BUB1: variants seen among roughly 807,000 people sequenced by gnomAD.
The protein encoded by BUB1 is BUB1 mitotic checkpoint serine/threonine kinase.
In BUB1, 84 loss-of-function variants were observed where a neutral mutation model predicts 135.2. The observed-to-expected ratio is 0.62, with a 90% CI of 0.52 to 0.74. The LOEUF (loss-of-function observed/expected upper bound fraction) is 0.74, where lower values mean the gene tolerates loss of function less well. Ranked by LOEUF, BUB1 falls within the 30% of genes least tolerant of loss-of-function variation. The pLI, the probability that BUB1 is intolerant of heterozygous loss-of-function variation, is 0.00. For synonymous variants in BUB1, 403 were observed against 434.4 expected, an observed-to-expected ratio of 0.93 and a Z score of 0.90; for missense variants, 1,162 against 1,288.3, an observed-to-expected ratio of 0.90 and a Z score of 1.50.
chr2:110,672,804 C>T lies in BUB1; in HGVS notation c.279G>A (p.Gly93=), dbSNP rs56159448. ...ACAGAGGGGATGACAGGGTTCCAAT[C>T]CCATGGTTGTACAGAAACTCAAAAA... ...HQFFEFLYNH[G]IGTLSSPLYI... The change falls in exon 4 of 25, where the codon GGG becomes GGA. Residue 93 remains glycine (G), a synonymous_variant. Transcript: ENST00000302759. 5.0e-6 allele frequency: 8 copies of T among 1,613,162 alleles called. No individual in the cohort carries two copies. Among genetic ancestry groups the T allele is most frequent in the Non-Finnish European group, 5.9e-6 (7 of 1,179,754 alleles).
intron 24 of BUB1, 125 bp downstream of exon 24, chr2:110,639,617 C>A: frequency 1.3e-6 from 1 of 750,878 alleles, no homozygotes; most frequent in Non-Finnish European, 2.2e-6. Flanking sequence ...GTCCTGTCAC[C>A]ATATTGCCCA....
At position 110,653,515 on chromosome 2, in the gene BUB1, C is replaced by T; in HGVS notation, c.1885G>A (p.Val629Ile). The change falls in exon 17 of 25, where the codon GTA becomes ATA. Residue 629 changes from valine to isoleucine, a missense_variant. Coordinates refer to ENST00000302759, the MANE Select transcript of BUB1 (RefSeq NM_004336.5). The stretch of plus-strand genomic sequence containing the variant: ...GTCGCCTGGGTACACTGTTTTGCTA[C>T]CACATTTTCTGAAAGATTCAAAAAT... Reference protein sequence around the residue: ...VHILEDKENVVAKQCTQATLD... With the variant: ...VHILEDKENVIAKQCTQATLD... 6.2e-7 allele frequency: 1 copy of T among 1,613,722 alleles called. No homozygotes were observed. The highest frequency in any genetic ancestry group is 8.5e-7 in the Non-Finnish European group (1 of 1,179,790).
rs548164130 is a variant in BUB1 at position 110,669,557 on chromosome 2, T to C, written c.467-4A>G. On this transcript the variant is annotated splice_region_variant and splice_polypyrimidine_tract_variant and intron_variant, in intron 5 of 24. Coordinates refer to ENST00000302759, the MANE Select transcript of BUB1 (RefSeq NM_004336.5). The stretch of plus-strand genomic sequence containing the variant: ...TGCAGAGGTTCTGAGGTTCTAGCTA[T>C]GAGGGAAAAGAGGATAAAATACGGA... The C allele has an allele frequency of 1.0e-5, 16 of 1,578,538 alleles. No homozygotes were observed. The African/African-American group carries it at 1.1e-4, about 11-fold the overall frequency.
chr2:110,642,088 T>C (rs1410050574), intron 20 of BUB1, 31 bp downstream of exon 20: 1 of 1,494,928 alleles, frequency 6.7e-7, no homozygotes, highest in East Asian at 2.3e-5. Context: ...TTCATTTCTA[T>C]ATCATACAAA....
At chr2:110,662,562 G>C (rs929962924) in intron 9 of BUB1, among the ~76,000 whole-genome samples, 4 of 152,198 alleles carry the variant, frequency 2.6e-5, no homozygotes, top group Non-Finnish European at 1.5e-5. Context: ...AACTTTGGGA[G>C]ACCGAGGCTG....
chr2:110,659,774 T>C (rs1445923304), intron 11 of BUB1, among the ~76,000 whole-genome samples: 3 of 152,208 alleles, frequency 2.0e-5, no homozygotes, highest in African/African-American at 7.2e-5. Flanking sequence ...TTCCAAAGAA[T>C]GTTAAAGAAG....
intron 14 of BUB1, among the ~76,000 whole-genome samples, 185 bp downstream of exon 14, chr2:110,657,361 A>G (rs1312583773): frequency 6.6e-6 from 1 of 152,144 alleles, no homozygotes; most frequent in Non-Finnish European, 1.5e-5. Context: ...AACTTTTAGA[A>G]GCCAAAAATG....
At position 110,637,665 on chromosome 2, in the gene BUB1, GC is replaced by G. The variant is rs1689398603; in HGVS notation, c.*298del. 1 of 196,310 alleles carries G rather than the reference GC, an allele frequency of 5.1e-6. No individual in the cohort carries two copies. Among genetic ancestry groups the G allele is most frequent in the Non-Finnish European group, 1.0e-5 (1 of 98,608 alleles). The allele number at this position is 196,310 out of a possible 1,614,324, so 12.2% of individuals were successfully genotyped here. On this transcript the variant is annotated 3_prime_UTR_variant, in exon 25 of 25. Coordinates refer to ENST00000302759, the MANE Select transcript of BUB1 (RefSeq NM_004336.5). ...TCAAATTTGGAAAATAGCTGTCTTGGCCCTTTTTTGGCTTAAACAGGTCAGT... is the reference window on the plus strand; with the variant it reads ...TCAAATTTGGAAAATAGCTGTCTTGGCCTTTTTTGGCTTAAACAGGTCAGT...
At chr2:110,667,416 G>T in intron 8 of BUB1, 105 bp downstream of exon 8, 2 of 1,171,628 alleles carry the variant, frequency 1.7e-6, no homozygotes, top group Non-Finnish European at 2.4e-6. Context: ...AGACTTTCTT[G>T]CAGTCTTTCA....
At chr2:110,653,384 T>C (rs1365642029) in intron 17 of BUB1, 52 bp downstream of exon 17, 4 of 1,546,704 alleles carry the variant, frequency 2.6e-6, no homozygotes, top group Non-Finnish European at 3.6e-6. Context: ...TGGTAAACAA[T>C]GTTAGAATGA....
intron 16 of BUB1, among the ~76,000 whole-genome samples, chr2:110,655,380 A>C (rs1043951096): frequency 1.3e-5 from 2 of 152,216 alleles, no homozygotes; most frequent in Admixed American, 1.3e-4. Flanking sequence ...TAGCATTCAA[A>C]TAATTTAATG....
intron 24 of BUB1, among the ~76,000 whole-genome samples, 196 bp from the exon 25 acceptor site, chr2:110,638,355 T>C (rs1249129013): frequency 2.6e-5 from 4 of 152,202 alleles, no homozygotes; most frequent in African/African-American, 9.6e-5. Flanking sequence ...TTAACTGTCT[T>C]ATACATCTTG....
At chr2:110,666,473 T>TATTTTAGGG in intron 8 of BUB1, 59 bp from the exon 9 acceptor site, 2 of 1,233,934 alleles carry the variant, frequency 1.6e-6, no homozygotes, top group Non-Finnish European at 2.1e-6. Context: ...ATCATAGGAA[T>TATTTTAGGG]ACATGCAAAA....
intron 16 of BUB1, among the ~76,000 whole-genome samples, chr2:110,654,084 G>T (rs1019066892): frequency 1.6e-4 from 25 of 152,148 alleles, no homozygotes; most frequent in African/African-American, 5.3e-4. Context: ...GGGGTCGAGA[G>T]AGTGGCAAGT....
chr2:110,672,565 G>A, intron 4 of BUB1, 96 bp downstream of exon 4: 1 of 1,316,420 alleles, frequency 7.6e-7, no homozygotes, highest in South Asian at 1.5e-5. Flanking sequence ...AAACTAGAAG[G>A]ATTTCCCTGT....
At chr2:110,674,491 A>G in intron 1 of BUB1, 126 bp from the exon 2 acceptor site, 2 of 767,360 alleles carry the variant, frequency 2.6e-6, no homozygotes, top group Non-Finnish European at 4.3e-6. Context: ...ATCATTTTAT[A>G]TATACACCAT....
rs1689919316 is a variant in BUB1 at position 110,655,867 on chromosome 2, C to T, written c.1748G>A (p.Gly583Asp). The T allele has an allele frequency of 4.3e-6, 7 of 1,613,892 alleles. No homozygotes were observed. Among genetic ancestry groups the T allele is most frequent in the Non-Finnish European group, 5.9e-6 (7 of 1,179,868 alleles). The change falls in exon 16 of 25, where the codon GGT becomes GAT. Residue 583 changes from glycine to aspartate, a missense_variant. Gly to Asp is a moderately conservative substitution (Grantham distance 94). Coordinates refer to ENST00000302759, the MANE Select transcript of BUB1 (RefSeq NM_004336.5). ...TGCCAGGGTTTTGTTGCAGCGAATACCCCATACAGTTGAGTCATCCAAAAA... is the reference window on the plus strand; with the variant it reads ...TGCCAGGGTTTTGTTGCAGCGAATATCCCATACAGTTGAGTCATCCAAAAA... The part of the protein sequence containing the change: ...EEFLDDSTVW[G>D]IRCNKTLAPS...
intron 1 of BUB1, 62 bp downstream of exon 1, chr2:110,677,908 G>A (rs936793164): frequency 3.8e-6 from 6 of 1,560,714 alleles, no homozygotes; most frequent in African/African-American, 2.7e-5. Flanking sequence ...GGGGCGGGCC[G>A]GGCCCGAACC....
At chr2:110,662,235 T>A (rs1690119885) in intron 9 of BUB1, among the ~76,000 whole-genome samples, 1 of 152,172 alleles carries the variant, frequency 6.6e-6, no homozygotes, top group Non-Finnish European at 1.5e-5. Flanking sequence ...GATTGGTATA[T>A]GAGATAGGGC....
Sources: allele counts gnomAD v4.1 joint callset (sites outside exome capture counted in the v4.1 genomes callset), GRCh38; gene constraint gnomAD v4.1.1; transcripts MANE v1.5; gene names NCBI Gene and HGNC (gene_info 2026-07-23, HGNC 2026-07-21).